IKZF3: variants seen among roughly 807,000 people sequenced by gnomAD.
IKZF3 encodes IKAROS family zinc finger 3.
Under a neutral mutation model 49.0 loss-of-function variants are expected in IKZF3, and 10 were observed. The ratio of observed to expected loss-of-function variants is 0.20; its 90% CI spans 0.13 to 0.35. The LOEUF (loss-of-function observed/expected upper bound fraction) is 0.35. Among genes scored for constraint, IKZF3 ranks in the 10% least tolerant of loss-of-function variants. IKZF3 has a pLI of 1.00. For synonymous variants in IKZF3, 209 were observed against 228.2 expected (o/e 0.92, Z 0.76); for missense variants, 498 against 664.8 (o/e 0.75, Z 2.76).
chr17:39,799,651 G>C (rs969604875), intron 3 of IKZF3, among the ~76,000 whole-genome samples: 1 of 152,172 alleles, frequency 6.6e-6, no homozygotes, highest in Non-Finnish European at 1.5e-5. Flanking sequence ...GATCCTCAAG[G>C]ATTCTTATGC....
At chr17:39,794,074 G>A (rs1391538946) in intron 3 of IKZF3, among the ~76,000 whole-genome samples, 1 of 152,202 alleles carries the variant, frequency 6.6e-6, no homozygotes, top group Non-Finnish European at 1.5e-5. Context: ...TCAATGGAGT[G>A]TAGGGCTGGA....
chr17:39,856,504 AT>A (rs1177236378), intron 1 of IKZF3, among the ~76,000 whole-genome samples: 4 of 152,062 alleles, frequency 2.6e-5, no homozygotes, highest in Non-Finnish European at 5.9e-5. Flanking sequence ...ACTGTTAATA[AT>A]ATTCTTACTT....
chr17:39,811,371 G>A (rs1598083068), intron 3 of IKZF3, among the ~76,000 whole-genome samples: 1 of 146,988 alleles, frequency 6.8e-6, no homozygotes, highest in South Asian at 2.1e-4. Context: ...GGGAAAGAAA[G>A]AAGGAAGGAA....
At chr17:39,824,152 G>A (rs941354241) in intron 3 of IKZF3, among the ~76,000 whole-genome samples, 1 of 152,240 alleles carries the variant, frequency 6.6e-6, no homozygotes, top group Non-Finnish European at 1.5e-5. Context: ...TCTTGCATCA[G>A]CGTGACGTGG....
At position 39,764,779 on chromosome 17, in the gene IKZF3, A is replaced by G. The variant is rs1357131366; in HGVS notation, c.*1011T>C. ...TCCGGAGCTCAACTCCGATCTAAAC[A>G]CACATGCCATCTATCTCCAATTCCT... On this transcript the variant is annotated 3_prime_UTR_variant, in exon 8 of 8. Transcript: ENST00000346872. 1 of 152,072 alleles carries G rather than the reference A, an allele frequency of 6.6e-6. No individual in the cohort carries two copies. Among genetic ancestry groups the G allele is most frequent in the African/African-American group, 2.4e-5 (1 of 41,394 alleles). The allele number at this position is 152,072 out of a possible 1,614,324, so 9.4% of individuals were successfully genotyped here. A position where few individuals can be genotyped will look rare whatever the true frequency, so the allele number is the denominator to read the frequency against.
At chr17:39,817,572 G>T (rs1460804109) in intron 3 of IKZF3, among the ~76,000 whole-genome samples, 1 of 152,090 alleles carries the variant, frequency 6.6e-6, no homozygotes, top group Non-Finnish European at 1.5e-5. Context: ...TTGAGTAGCT[G>T]GGACTACAGT....
intron 3 of IKZF3, among the ~76,000 whole-genome samples, chr17:39,825,822 G>T (rs1056789099): frequency 2.0e-5 from 3 of 152,116 alleles, no homozygotes; most frequent in East Asian, 1.9e-4. Flanking sequence ...GTTCTAATGG[G>T]GAGAGCATTG....
In IKZF3 at chr17:39,797,642, C is replaced by A. The variant is rs147218931; in HGVS notation, c.164-4709G>T. 1.8e-3 allele frequency among the ~76,000 whole-genome samples: 267 copies of A among 152,140 alleles called. 1 individual carries two copies. The highest frequency in any genetic ancestry group is 5.8e-3 in the African/African-American group (240 of 41,522). On this transcript the variant is annotated intron_variant, in intron 3 of 7. Transcript: ENST00000346872. ...TTTACCATGTTGGCCAGGCTGGTCTCGAACTCCTGACTTCAGGTGATCCAC... is the reference window on the plus strand; with the variant it reads ...TTTACCATGTTGGCCAGGCTGGTCTAGAACTCCTGACTTCAGGTGATCCAC...
intron 1 of IKZF3, among the ~76,000 whole-genome samples, chr17:39,862,697 A>G (rs2063247069): frequency 6.6e-6 from 1 of 152,128 alleles, no homozygotes; most frequent in Admixed American, 6.5e-5. Flanking sequence ...ACACAACTTT[A>G]AAAAGTTATT....
At chr17:39,832,045 T>G (rs2062123336) in intron 2 of IKZF3, 53 bp downstream of exon 2, 13 of 1,299,928 alleles carry the variant, frequency 1.0e-5, no homozygotes, top group Non-Finnish European at 1.4e-5. Context: ...CCTCTCTCTT[T>G]GGTATTTTTT....
intron 1 of IKZF3, among the ~76,000 whole-genome samples, chr17:39,853,380 C>A (rs1386612506): frequency 6.6e-6 from 1 of 152,130 alleles, no homozygotes; most frequent in African/African-American, 2.4e-5. Context: ...AACTGTCGTT[C>A]TTCAACTATC....
At chr17:39,852,747 A>G (rs8068894) in intron 1 of IKZF3, among the ~76,000 whole-genome samples, 14,136 of 152,170 alleles carry the variant, frequency 0.093, 1,352 homozygotes, top group African/African-American at 0.25. Context: ...CGGGGCGGAC[A>G]GATCAAGAGG....
At position 39,807,454 on chromosome 17, in the gene IKZF3, C is replaced by T. The variant is rs1172665435; in HGVS notation, c.164-14521G>A. 1.3e-4 allele frequency among the ~76,000 whole-genome samples: 19 copies of T among 147,652 alleles called. No homozygotes were observed. The East Asian group carries it at 2.4e-3, about 19-fold the overall frequency. On this transcript the variant is annotated intron_variant, in intron 3 of 7. Coordinates refer to ENST00000346872, the MANE Select transcript of IKZF3 (RefSeq NM_012481.5). The stretch of plus-strand genomic sequence containing the variant: ...CACTGTCACCCAGGCTGGAGTGCAG[C>T]GGCATGATCATGGCTCACTAGGCAG...
rs964882851 is a variant in IKZF3, at chr17:39,858,920, C to T, written c.7+5200G>A. 2.0e-5 allele frequency among the ~76,000 whole-genome samples: 3 copies of T among 151,186 alleles called. No homozygotes were observed. The East Asian group carries it at 5.8e-4, about 29-fold the overall frequency. The stretch of plus-strand genomic sequence containing the variant: ...GGTCAAGCCATCCTCCCACCTCAGC[C>T]TCCCAAGTAGCTGGGACAAGTGCAC... On this transcript the variant is annotated intron_variant, in intron 1 of 7. Coordinates refer to ENST00000346872, the MANE Select transcript of IKZF3 (RefSeq NM_012481.5).
chr17:39,847,410 C>T (rs2144467185), intron 1 of IKZF3, among the ~76,000 whole-genome samples: 1 of 152,264 alleles, frequency 6.6e-6, no homozygotes. Flanking sequence ...ACAGCCTCTG[C>T]TTGAACACTT....
rs1004750748 is a variant in IKZF3, at chr17:39,761,500, G to A, written c.*4290C>T. 3.3e-5 allele frequency: 5 copies of A among 152,094 alleles called. No homozygotes were observed. Among genetic ancestry groups the A allele is most frequent in the South Asian group, 4.1e-4 (2 of 4,820 alleles). The allele number at this position is 152,094 out of a possible 1,614,324, so 9.4% of individuals were successfully genotyped here. On this transcript the variant is annotated 3_prime_UTR_variant, in exon 8 of 8. Coordinates refer to ENST00000346872, the MANE Select transcript of IKZF3 (RefSeq NM_012481.5). The stretch of plus-strand genomic sequence containing the variant: ...GGGAGGCTGAGGCAGGATTGCTTGA[G>A]CACAGGAGTTTGAGTCTGGCCTAGG...
intron 3 of IKZF3, among the ~76,000 whole-genome samples, chr17:39,820,731 T>G (rs942494391): frequency 6.6e-6 from 1 of 152,162 alleles, no homozygotes; most frequent in Non-Finnish European, 1.5e-5. Context: ...TAGATTATGC[T>G]AACGAGGTAG....
chr17:39,855,194 G>T (rs187914814), intron 1 of IKZF3, among the ~76,000 whole-genome samples: 1 of 152,262 alleles, frequency 6.6e-6, no homozygotes, highest in Non-Finnish European at 1.5e-5. Context: ...CATTACACTT[G>T]CATCTGATCC....
chr17:39,845,585 A>G (rs1183366806), intron 1 of IKZF3, among the ~76,000 whole-genome samples: 1 of 152,010 alleles, frequency 6.6e-6, no homozygotes, highest in African/African-American at 2.4e-5. Flanking sequence ...TCATTTGTAT[A>G]TTGTCTATGG....
Sources: allele counts gnomAD v4.1 joint callset (sites outside exome capture counted in the v4.1 genomes callset), GRCh38; gene constraint gnomAD v4.1.1; transcripts MANE v1.5; gene names NCBI Gene and HGNC (gene_info 2026-07-23, HGNC 2026-07-21).